FBXL5: variants seen among roughly 807,000 people sequenced by gnomAD.
The protein encoded by FBXL5 is F-box/LRR-repeat protein 5.
Under a neutral mutation model 78.3 loss-of-function variants are expected in FBXL5, and 26 were observed. The ratio of observed to expected loss-of-function variants is 0.33; its 90% CI spans 0.24 to 0.46. The LOEUF is 0.46. Ranked by LOEUF, FBXL5 falls within the 20% of genes least tolerant of loss-of-function variation. The pLI, the probability that FBXL5 is intolerant of heterozygous loss-of-function variation, is 1.00. For missense variants in FBXL5, 710 were observed against 829.2 expected, an observed-to-expected ratio of 0.86 and a Z score of 1.77; for synonymous variants, 295 against 282.5, an observed-to-expected ratio of 1.04 and a Z score of -0.45.
At chr4:15,610,474 A>C (rs1722173855) in intron 10 of FBXL5, among the ~76,000 whole-genome samples, 3 of 152,076 alleles carry the variant, frequency 2.0e-5, no homozygotes, top group Non-Finnish European at 4.4e-5. Flanking sequence ...ATCACAATTC[A>C]TTTATTTTAA....
intron 9 of FBXL5, 93 bp downstream of exon 9, chr4:15,625,159 C>G: frequency 7.2e-7 from 1 of 1,395,140 alleles, no homozygotes; most frequent in Non-Finnish European, 9.6e-7. Flanking sequence ...CTAAGTAAAT[C>G]AACTGAAAAG....
intron 1 of FBXL5, 152 bp downstream of exon 1, chr4:15,655,052 G>A (rs1468623062): frequency 1.4e-5 from 6 of 417,902 alleles, no homozygotes; most frequent in Non-Finnish European, 1.8e-5. Flanking sequence ...CAGGCTGCGG[G>A]AGCGGGCGGC....
chr4:15,665,840 G>T (rs557535414), intron 1 of FBXL5, among the ~76,000 whole-genome samples: 2 of 152,194 alleles, frequency 1.3e-5, no homozygotes, highest in African/African-American at 4.8e-5. Context: ...CTGTTGGTAG[G>T]AATCCGATGA....
At chr4:15,655,575 C>T (rs530187400), upstream of FBXL5, among the ~76,000 whole-genome samples, 1 of 152,298 alleles carries the variant, frequency 6.6e-6, no homozygotes, top group Admixed American at 6.5e-5. Flanking sequence ...CAAACCTTTT[C>T]CCTGTTTCTT....
chr4:15,638,701 T>G lies in FBXL5; in HGVS notation c.397-7A>C, dbSNP rs1714527546. 1 of 1,547,328 alleles carries G rather than the reference T, an allele frequency of 6.5e-7. No individual in the cohort carries two copies. Among genetic ancestry groups the G allele is most frequent in the Non-Finnish European group, 8.8e-7 (1 of 1,133,976 alleles). On this transcript the variant is annotated splice_polypyrimidine_tract_variant and splice_region_variant and intron_variant, in intron 3 of 10. Transcript: ENST00000341285. ...TTAACATGGGCTGAAAAACCTAAAT[T>G]AAACAAAATATTCACGAGGAAAGAT...
chr4:15,645,758 G>A (rs1327971839), intron 1 of FBXL5, among the ~76,000 whole-genome samples: 2 of 152,102 alleles, frequency 1.3e-5, no homozygotes, highest in African/African-American at 4.8e-5. Flanking sequence ...TAATCTTGAT[G>A]TTAAATGGAT....
intron 1 of FBXL5, among the ~76,000 whole-genome samples, chr4:15,674,565 A>C (rs1314850882): frequency 1.3e-5 from 2 of 152,114 alleles, no homozygotes; most frequent in African/African-American, 4.8e-5. Flanking sequence ...TTACTCATGA[A>C]ACTTTCATTT....
intron 9 of FBXL5, among the ~76,000 whole-genome samples, chr4:15,612,891 A>T (rs1023440609): frequency 3.9e-5 from 6 of 152,210 alleles, no homozygotes; most frequent in Admixed American, 3.3e-4. Flanking sequence ...TTACACAAAA[A>T]CTTGCACATG....
intron 6 of FBXL5, among the ~76,000 whole-genome samples, chr4:15,630,246 G>T (rs1003713095): frequency 6.6e-6 from 1 of 152,066 alleles, no homozygotes; most frequent in African/African-American, 2.4e-5. Context: ...ACCTTATTAG[G>T]CAAGTATTAA....
At chr4:15,620,108 G>A (rs946314538) in intron 9 of FBXL5, among the ~76,000 whole-genome samples, 11 of 151,748 alleles carry the variant, frequency 7.2e-5, no homozygotes, top group African/African-American at 9.7e-5. Flanking sequence ...ATAAAGAGTC[G>A]ACACACACAA....
At chr4:15,611,220 T>C (rs951993769) in intron 10 of FBXL5, among the ~76,000 whole-genome samples, 1 of 152,214 alleles carries the variant, frequency 6.6e-6, no homozygotes, top group African/African-American at 2.4e-5. Flanking sequence ...ATTCCTGAAA[T>C]AAGAGAGCTA....
intron 1 of FBXL5, among the ~76,000 whole-genome samples, chr4:15,669,581 A>G (rs1400197097): frequency 6.6e-6 from 1 of 152,232 alleles, no homozygotes; most frequent in Non-Finnish European, 1.5e-5. Context: ...ATAAAAGTAG[A>G]AAGAATGATA....
intron 1 of FBXL5, among the ~76,000 whole-genome samples, chr4:15,669,096 A>T (rs1717659901): frequency 6.6e-6 from 1 of 152,228 alleles, no homozygotes; most frequent in African/African-American, 2.4e-5. Context: ...CAACTGAATT[A>T]GATATATAGT....
intron 1 of FBXL5, among the ~76,000 whole-genome samples, chr4:15,670,805 AC>A (rs1427748540): frequency 6.6e-6 from 1 of 151,570 alleles, no homozygotes; most frequent in African/African-American, 2.4e-5. Context: ...GCCTGACTTA[AC>A]TTCCTTTAAC....
upstream of FBXL5, chr4:15,656,123 G>A: frequency 2.2e-6 from 1 of 454,518 alleles, no homozygotes; most frequent in South Asian, 1.6e-5. Context: ...GACGGGCCTT[G>A]GGGGTGGGGA....
chr4:15,641,785 G>C lies in FBXL5; in HGVS notation c.301-902C>G, dbSNP rs10049611. 1.6e-3 allele frequency among the ~76,000 whole-genome samples: 245 copies of C among 152,164 alleles called. 1 individual carries two copies. Among genetic ancestry groups the C allele is most frequent in the African/African-American group, 5.8e-3 (240 of 41,494 alleles). Reference sequence around the variant, plus strand: ...CTCATGCCTGTAATCCCACCACTTTGGGACGCAGAGGCAGGCGGATCACCT... The same window carrying C: ...CTCATGCCTGTAATCCCACCACTTTCGGACGCAGAGGCAGGCGGATCACCT... On this transcript the variant is annotated intron_variant, in intron 2 of 10. Transcript: ENST00000341285.
chr4:15,610,363 T>C (rs919323076), intron 10 of FBXL5, among the ~76,000 whole-genome samples: 5 of 152,120 alleles, frequency 3.3e-5, no homozygotes, highest in African/African-American at 1.2e-4. Flanking sequence ...AGGCTTTCCA[T>C]TCCCCCAAAT....
chr4:15,619,043 A>T (rs1482458562), intron 9 of FBXL5, among the ~76,000 whole-genome samples: 2 of 152,136 alleles, frequency 1.3e-5, no homozygotes, highest in African/African-American at 2.4e-5. Context: ...GGTCCCAGCT[A>T]CTTGTAGTGG....
intron 1 of FBXL5, among the ~76,000 whole-genome samples, chr4:15,667,753 C>G (rs1717605822): frequency 6.6e-6 from 1 of 152,066 alleles, no homozygotes; most frequent in African/African-American, 2.4e-5. Context: ...CATTTGACTT[C>G]CTGGTATAAG....
Sources: gnomAD v4.1 joint callset for allele counts (sites outside exome capture counted in the v4.1 genomes callset) on GRCh38, gnomAD v4.1.1 for gene constraint, MANE v1.5 for transcripts, NCBI Gene and HGNC (gene_info 2026-07-23, HGNC 2026-07-21) for gene names.